ECT2L: variants seen among roughly 807,000 people sequenced by gnomAD.
ECT2L encodes epithelial cell transforming 2 like.
In ECT2L, 126 loss-of-function variants were observed where a neutral mutation model predicts 122.8. The ratio of observed to expected loss-of-function variants is 1.03; its 90% confidence interval spans 0.89 to 1.19. The LOEUF is 1.19. ECT2L is among the 50% of genes most tolerant of loss of function. ECT2L has a pLI of 0.00. For synonymous variants in ECT2L, 385 were observed against 381.8 expected (o/e 1.01, Z -0.10); for missense variants, 1,012 against 1,064.1 (o/e 0.95, Z 0.68).
intron 4 of ECT2L, among the ~76,000 whole-genome samples, chr6:138,824,744 A>T (rs902475666): frequency 9.9e-5 from 15 of 151,954 alleles, no homozygotes; most frequent in African/African-American, 3.6e-4. Context: ...TGTTGAGGAG[A>T]TGGGGAGATT....
chr6:138,887,024 G>A (rs1778848960), intron 19 of ECT2L, 102 bp downstream of exon 19: 3 of 923,226 alleles, frequency 3.2e-6, no homozygotes, highest in South Asian at 1.4e-5. Flanking sequence ...AGTATTTGTG[G>A]AATGCCTGCT....
At chr6:138,841,320 A>G (rs1183861582) in intron 5 of ECT2L, among the ~76,000 whole-genome samples, 1 of 152,232 alleles carries the variant, frequency 6.6e-6, no homozygotes, top group Non-Finnish European at 1.5e-5. Context: ...AGTATACAAA[A>G]TTAATGTGAT....
chr6:138,860,095 G>A (rs570425444), intron 10 of ECT2L, among the ~76,000 whole-genome samples: 2 of 152,214 alleles, frequency 1.3e-5, no homozygotes, highest in African/African-American at 4.8e-5. Context: ...AAAGTGCTGG[G>A]ATTACAGGCA....
At chr6:138,874,624 T>G (rs944640060) in intron 13 of ECT2L, among the ~76,000 whole-genome samples, 1 of 152,218 alleles carries the variant, frequency 6.6e-6, no homozygotes, top group African/African-American at 2.4e-5. Flanking sequence ...TGAATTTTAA[T>G]GCATAAATTT....
chr6:138,843,622 A>T (rs1185064895), intron 6 of ECT2L, among the ~76,000 whole-genome samples: 3 of 151,830 alleles, frequency 2.0e-5, no homozygotes, highest in African/African-American at 7.3e-5. Flanking sequence ...AATGGCATTT[A>T]AAAAGGGAGA....
chr6:138,859,963 C>T (rs1261202607), intron 10 of ECT2L, among the ~76,000 whole-genome samples: 1 of 152,008 alleles, frequency 6.6e-6, no homozygotes, highest in Non-Finnish European at 1.5e-5. Flanking sequence ...TACAAGATTA[C>T]AGATGCCCGC....
rs747601567 is a variant in ECT2L at position 138,881,051 on chromosome 6, T to C, written c.1760T>C (p.Ile587Thr). 6.9e-5 allele frequency: 112 copies of C among 1,614,012 alleles called. 2 individuals carry two copies. The South Asian group carries it at 1.1e-3, about 15-fold the overall frequency. ...SERKYVQILE[I>T]VRDVYVAPLK... Reference sequence around the variant, plus strand: ...AGAAAATACGTGCAGATACTGGAAATTGTGAGAGATGTTTATGTCGCACCA... The same window carrying C: ...AGAAAATACGTGCAGATACTGGAAACTGTGAGAGATGTTTATGTCGCACCA... Residue 587 changes from isoleucine (I) to threonine (T), a missense_variant, in exon 15 of 22, where the codon ATT becomes ACT. Ile to Thr is a moderately conservative substitution (Grantham distance 89). Transcript: ENST00000541398.
chr6:138,903,012 T>G lies in ECT2L; in HGVS notation c.*385T>G. 6.0e-6 allele frequency: 1 copy of G among 165,432 alleles called. No individual in the cohort carries two copies. Among genetic ancestry groups the G allele is most frequent in the East Asian group, 1.9e-4 (1 of 5,358 alleles). The allele number at this position is 165,432 out of a possible 1,614,324, so 10.2% of individuals were successfully genotyped here. Reference sequence around the variant, plus strand: ...ATCAGTCTAGAAAGATATTTTAATTTGTTGGTGATTTACCATTTTTAACAT... The same window carrying G: ...ATCAGTCTAGAAAGATATTTTAATTGGTTGGTGATTTACCATTTTTAACAT... On this transcript the variant is annotated 3_prime_UTR_variant, in exon 22 of 22. Transcript: ENST00000541398.
intron 13 of ECT2L, among the ~76,000 whole-genome samples, chr6:138,871,086 A>T (rs1425302549): frequency 6.6e-6 from 1 of 152,166 alleles, no homozygotes. Flanking sequence ...GCCAAAAAGA[A>T]TAATTTTGCC....
At chr6:138,806,089 T>C (rs1049919899) in intron 1 of ECT2L, among the ~76,000 whole-genome samples, 3 of 152,206 alleles carry the variant, frequency 2.0e-5, no homozygotes, top group African/African-American at 7.2e-5. Context: ...GCCCAGTCTC[T>C]TGTGATCTCC....
intron 1 of ECT2L, among the ~76,000 whole-genome samples, chr6:138,804,880 C>T (rs980764027): frequency 4.6e-5 from 7 of 152,080 alleles, no homozygotes; most frequent in African/African-American, 1.7e-4. Context: ...CATAGAAAAA[C>T]ACGCAGATCA....
In ECT2L at chr6:138,809,250, G is replaced by A. The variant is rs202009415; in HGVS notation, c.-243-3588G>A. ...TTGCTGAGATCTTTTTGTCATGAAC[G>A]GGTATTGAGGTTTATCAAAAACACT... On this transcript the variant is annotated intron_variant, in intron 1 of 21. Transcript: ENST00000541398. 1.8e-4 allele frequency among the ~76,000 whole-genome samples: 27 copies of A among 152,226 alleles called. No individual in the cohort carries two copies. The East Asian group carries it at 4.8e-3, about 27-fold the overall frequency.
rs1562500761 is a variant in ECT2L at position 138,901,119 on chromosome 6, G to A, written c.2586G>A (p.Lys862=). Residue 862 remains lysine (K), a splice_region_variant and synonymous_variant, in exon 21 of 22, where the codon AAG becomes AAA. Coordinates refer to ENST00000541398, the MANE Select transcript of ECT2L (RefSeq NM_001077706.3). Reference sequence around the variant, plus strand: ...TCATAGAAAATATTCCAGATTCCAAGTGTATGTATTCTTTTCCTTCCAAGA... The same window carrying A: ...TCATAGAAAATATTCCAGATTCCAAATGTATGTATTCTTTTCCTTCCAAGA... The part of the protein sequence containing the change: ...RLLIENIPDS[K]YVKNAFILQG... 6 of 1,613,630 alleles carry A rather than the reference G, an allele frequency of 3.7e-6. No individual in the cohort carries two copies. Among genetic ancestry groups the A allele is most frequent in the Non-Finnish European group, 5.1e-6 (6 of 1,179,822 alleles).
chr6:138,851,373 G>A (rs1210410690), intron 9 of ECT2L, among the ~76,000 whole-genome samples: 1 of 151,712 alleles, frequency 6.6e-6, no homozygotes, highest in African/African-American at 2.4e-5. Flanking sequence ...TTTTAGAGAT[G>A]GGGTCCCACT....
At chr6:138,803,300 T>G (rs1366377065) in intron 1 of ECT2L, among the ~76,000 whole-genome samples, 1 of 133,596 alleles carries the variant, frequency 7.5e-6, no homozygotes, top group Non-Finnish European at 1.6e-5. Context: ...CTGTTCAAAT[T>G]TGTACATATA....
intron 6 of ECT2L, among the ~76,000 whole-genome samples, chr6:138,843,540 T>G (rs1009342242): frequency 6.6e-6 from 1 of 151,620 alleles, no homozygotes; most frequent in Non-Finnish European, 1.5e-5. Flanking sequence ...AGCAAACAAA[T>G]AGGTTCAAAA....
chr6:138,867,494 G>A (rs1029282939), intron 12 of ECT2L, among the ~76,000 whole-genome samples: 1 of 151,948 alleles, frequency 6.6e-6, no homozygotes, highest in Non-Finnish European at 1.5e-5. Context: ...GGGAAACACA[G>A]CAAGACCCCA....
In ECT2L at chr6:138,854,066, G is replaced by A; in HGVS notation, c.1110G>A (p.Val370=). 1 of 1,614,138 alleles carries A rather than the reference G, an allele frequency of 6.2e-7. No individual in the cohort carries two copies. The highest frequency in any genetic ancestry group is 8.5e-7 in the Non-Finnish European group (1 of 1,180,012). The change falls in exon 10 of 22, where the codon GTG becomes GTA. Residue 370 remains valine, a synonymous_variant. Transcript: ENST00000541398. ...IGVKNLLRPE[V]RDFWEKLGSY... The stretch of plus-strand genomic sequence containing the variant: ...TTAAAAATTTACTGAGGCCTGAAGT[G>A]AGAGATTTCTGGGAGAAATTAGGAA...
intron 19 of ECT2L, among the ~76,000 whole-genome samples, chr6:138,887,827 T>C (rs1461190392): frequency 6.6e-6 from 1 of 152,236 alleles, no homozygotes; most frequent in Non-Finnish European, 1.5e-5. Flanking sequence ...ATTCATTCTA[T>C]AAAAATCTAG....
Sources: allele counts gnomAD v4.1 joint callset (sites outside exome capture counted in the v4.1 genomes callset), GRCh38; gene constraint gnomAD v4.1.1; transcripts MANE v1.5; gene names NCBI Gene and HGNC (gene_info 2026-07-23, HGNC 2026-07-21).